IVNS1ABP: variants seen among roughly 807,000 people sequenced by gnomAD.
IVNS1ABP encodes the protein influenza virus NS1A binding protein.
A neutral mutation model predicts 78.9 loss-of-function variants in IVNS1ABP; 25 were observed. The ratio of observed to expected loss-of-function variants is 0.32; its 90% confidence interval spans 0.23 to 0.44. The LOEUF is 0.44. IVNS1ABP is among the 20% of genes least tolerant of loss of function. IVNS1ABP has a pLI of 1.00. For missense variants in IVNS1ABP, 494 were observed against 768.9 expected (o/e 0.64, Z 4.23); for synonymous variants, 241 against 259.7 (o/e 0.93, Z 0.69).
chr1:185,302,339 T>A (rs1180424121), intron 8 of IVNS1ABP, among the ~76,000 whole-genome samples: 1 of 152,174 alleles, frequency 6.6e-6, no homozygotes, highest in African/African-American at 2.4e-5. Flanking sequence ...CCTTGATGGC[T>A]TCCTTCCAAT....
chr1:185,297,824 TA>T lies in IVNS1ABP; in HGVS notation c.*210del. ...CCAAAAAGTAAAATAACCAAAGTCTTAAAAGTACACAAAACAGACCTTCATC... is the reference window on the plus strand; with the variant it reads ...CCAAAAAGTAAAATAACCAAAGTCTTAAAGTACACAAAACAGACCTTCATC... On this transcript the variant is annotated 3_prime_UTR_variant, in exon 15 of 15. Coordinates refer to ENST00000367498, the MANE Select transcript of IVNS1ABP (RefSeq NM_006469.5). The T allele has an allele frequency of 1.9e-6, 1 of 537,950 alleles. No individual in the cohort carries two copies. The highest frequency in any genetic ancestry group is 3.3e-6 in the Non-Finnish European group (1 of 307,444). 33.3% of individuals were successfully genotyped at this position (537,950 alleles called of 1,614,324 possible). A position where few individuals can be genotyped will look rare whatever the true frequency, so the allele number is the denominator to read the frequency against.
chr1:185,306,512 C>T, intron 7 of IVNS1ABP: 1 of 1,289,400 alleles, frequency 7.8e-7, no homozygotes, highest in South Asian at 1.2e-5. Context: ...TCTCTGCCCA[C>T]AGCGGATTTT....
chr1:185,300,980 A>G lies in IVNS1ABP; in HGVS notation c.1112T>C (p.Ile371Thr). ...LGTAEMNGKL[I>T]AAGGYNREEC... ...AATGCTTCTGTTCTTACCTGCAGCT[A>G]TGAGTTTGCCATTCATCTCTGCTGT... The change falls in exon 10 of 15, where the codon ATA becomes ACA. Residue 371 changes from isoleucine to threonine, a missense_variant. Ile to Thr is a moderately conservative substitution (Grantham distance 89). Coordinates refer to ENST00000367498, the MANE Select transcript of IVNS1ABP (RefSeq NM_006469.5). 6.2e-7 allele frequency: 1 copy of G among 1,613,080 alleles called. No homozygotes were observed. Among genetic ancestry groups the G allele is most frequent in the Non-Finnish European group, 8.5e-7 (1 of 1,179,344 alleles).
chr1:185,307,157 A>G lies in IVNS1ABP; in HGVS notation c.532-18T>C. The G allele has an allele frequency of 6.2e-7, 1 of 1,612,844 alleles. No homozygotes were observed. The highest frequency in any genetic ancestry group is 8.5e-7 in the Non-Finnish European group (1 of 1,179,160). ...ACCTCCAACTAGAATTGGGAAAAAC[A>G]ATGACATGGATCAGTGTTGGGCTCC... is the stretch of plus-strand genomic sequence containing the variant. On this transcript the variant is annotated intron_variant, in intron 6 of 14. Coordinates refer to ENST00000367498, the MANE Select transcript of IVNS1ABP (RefSeq NM_006469.5).
chr1:185,314,130 C>T (rs1665954116), intron 1 of IVNS1ABP, among the ~76,000 whole-genome samples: 1 of 152,168 alleles, frequency 6.6e-6, no homozygotes, highest in East Asian at 1.9e-4. Flanking sequence ...AAAGGAAAGA[C>T]TTTATAATAC....
At chr1:185,316,113 C>T (rs1252992666) in intron 1 of IVNS1ABP, among the ~76,000 whole-genome samples, 4 of 151,890 alleles carry the variant, frequency 2.6e-5, no homozygotes, top group Non-Finnish European at 5.9e-5. Flanking sequence ...GACACTTAAC[C>T]AAAAGCGTGG....
chr1:185,309,513 TAGATGA>T lies in IVNS1ABP; in HGVS notation c.-18-8_-18-3del. 1 of 1,461,868 alleles carries T rather than the reference TAGATGA, an allele frequency of 6.8e-7. No homozygotes were observed. The highest frequency in any genetic ancestry group is 1.2e-5 in the South Asian group (1 of 86,762). The allele number at this position is 1,461,868 out of a possible 1,614,324, so 90.6% of individuals were successfully genotyped here. A position where few individuals can be genotyped will look rare whatever the true frequency, so the allele number is the denominator to read the frequency against. On this transcript the variant is annotated splice_polypyrimidine_tract_variant and splice_region_variant and intron_variant, in intron 2 of 14. Coordinates refer to ENST00000367498, the MANE Select transcript of IVNS1ABP (RefSeq NM_006469.5). ...AATCATTTTTCCTTATAAATTTGGC[TAGATGA>T]TGAAAAGAAAGCTGAGTTATTTTAC...
Position 185,300,317 on chromosome 1 carries a change from T to C in IVNS1ABP, c.1269A>G (p.Ser423=), listed in dbSNP as rs994039918. The C allele has an allele frequency of 4.3e-6, 7 of 1,613,532 alleles. No individual in the cohort carries two copies. The highest frequency in any genetic ancestry group is 4.5e-5 in the East Asian group (2 of 44,866). ...LMGQLYVVGG[S]NGHSDDLSCG... ...AACTCAGGTCATCTGAGTGGCCATT[T>C]GATCCACCTACCACATAGAGCTGGC... Residue 423 remains serine (S), a synonymous_variant, in exon 12 of 15, where the codon TCA becomes TCG. Transcript: ENST00000367498.
intron 1 of IVNS1ABP, among the ~76,000 whole-genome samples, chr1:185,312,213 C>T (rs1268736762): frequency 6.6e-6 from 1 of 152,146 alleles, no homozygotes; most frequent in Non-Finnish European, 1.5e-5. Flanking sequence ...TGGTTCAAAC[C>T]TAATCTTCAA....
chr1:185,299,008 T>G (rs1665497092), intron 14 of IVNS1ABP: 1 of 152,210 alleles, frequency 6.6e-6, no homozygotes, highest in South Asian at 2.1e-4. Flanking sequence ...TAGAAAAAAT[T>G]TTATTACTGA....
chr1:185,298,021 G>A lies in IVNS1ABP; in HGVS notation c.*14C>T, dbSNP rs368033587. 5 of 1,611,108 alleles carry A rather than the reference G, an allele frequency of 3.1e-6. No homozygotes were observed. Among genetic ancestry groups the A allele is most frequent in the African/African-American group, 1.3e-5 (1 of 74,834 alleles). On this transcript the variant is annotated 3_prime_UTR_variant, in exon 15 of 15. Transcript: ENST00000367498. The surrounding 1 kb of genome is among the most constrained non-coding windows in gnomAD (Gnocchi z 4.1). Reference sequence around the variant, plus strand: ...CATCACTAAGCCTGTTAGTTTGAGAGGGTCTTAAATTTGTTAAAACTGGAA... The same window carrying A: ...CATCACTAAGCCTGTTAGTTTGAGAAGGTCTTAAATTTGTTAAAACTGGAA...
chr1:185,312,336 A>G (rs912006104), intron 1 of IVNS1ABP, among the ~76,000 whole-genome samples: 37 of 152,200 alleles, frequency 2.4e-4, no homozygotes, highest in African/African-American at 8.9e-4. Context: ...TTACACCACT[A>G]TTAACTCTGG....
rs759510319 is a variant in IVNS1ABP at position 185,300,958 on chromosome 1, G to T, written c.1120+14C>A. 3.1e-6 allele frequency: 5 copies of T among 1,603,618 alleles called. No homozygotes were observed. The East Asian group carries it at 1.1e-4, about 36-fold the overall frequency. On this transcript the variant is annotated intron_variant, in intron 10 of 14. Transcript: ENST00000367498. Reference sequence around the variant, plus strand: ...CATCTACATGCTTAGCCAGTTGAATGCTTCTGTTCTTACCTGCAGCTATGA... The same window carrying T: ...CATCTACATGCTTAGCCAGTTGAATTCTTCTGTTCTTACCTGCAGCTATGA...
chr1:185,302,598 T>C (rs556812585), intron 8 of IVNS1ABP, among the ~76,000 whole-genome samples: 52 of 152,272 alleles, frequency 3.4e-4, no homozygotes, highest in African/African-American at 1.3e-3. Flanking sequence ...GCTAGCTACT[T>C]GAAGCTATTA....
intron 1 of IVNS1ABP, among the ~76,000 whole-genome samples, chr1:185,316,040 C>A (rs1017373572): frequency 6.6e-6 from 1 of 152,224 alleles, no homozygotes; most frequent in African/African-American, 2.4e-5. Flanking sequence ...AGTAGTGGTT[C>A]AAGTTACCCT....
chr1:185,296,747 A>C lies in IVNS1ABP; in HGVS notation c.*1288T>G, dbSNP rs1665429308. 1 of 152,144 alleles carries C rather than the reference A, an allele frequency of 6.6e-6. No individual in the cohort carries two copies. Among genetic ancestry groups the C allele is most frequent in the African/African-American group, 2.4e-5 (1 of 41,434 alleles). 9.4% of individuals were successfully genotyped at this position (152,144 alleles called of 1,614,324 possible). On this transcript the variant is annotated 3_prime_UTR_variant, in exon 15 of 15. Coordinates refer to ENST00000367498, the MANE Select transcript of IVNS1ABP (RefSeq NM_006469.5). The stretch of plus-strand genomic sequence containing the variant: ...CCTGTGTGCTTCATCTTCTGTGAGA[A>C]AAAAAAACCTTATATCATTCCTTAT...
intron 11 of IVNS1ABP, 23 bp from the exon 12 acceptor site, chr1:185,300,366 G>C (rs1194493845): frequency 6.2e-7 from 1 of 1,613,370 alleles, no homozygotes; most frequent in African/African-American, 1.3e-5. Context: ...TGAGAGATGA[G>C]AATTTCTAAC....
At chr1:185,301,343 C>T (rs1357173217) in intron 9 of IVNS1ABP, 91 bp downstream of exon 9, 3 of 1,503,176 alleles carry the variant, frequency 2.0e-6, no homozygotes, top group Admixed American at 1.8e-5. Context: ...GTTTTTTCCT[C>T]GAGTAGTCAA....
chr1:185,310,447 A>T (rs955226955), intron 2 of IVNS1ABP, among the ~76,000 whole-genome samples: 4 of 152,108 alleles, frequency 2.6e-5, no homozygotes, highest in Middle Eastern at 6.3e-3. Flanking sequence ...ATCTCTACTA[A>T]AAATACAAAA....
Sources: allele counts gnomAD v4.1 joint callset (sites outside exome capture counted in the v4.1 genomes callset), GRCh38; gene constraint gnomAD v4.1.1; non-coding constraint Gnocchi (gnomAD v3.1); transcripts MANE v1.5; gene names NCBI Gene and HGNC (gene_info 2026-07-23, HGNC 2026-07-21).